Variants in OR51A7 observed in about 807,000 individuals in gnomAD.
OR51A7 encodes olfactory receptor family 51 subfamily A member 7.
For missense variants in OR51A7, 409 were observed against 374.5 expected (o/e 1.09, Z -0.76); for synonymous variants, 143 against 135.5 (o/e 1.05, Z -0.38).
Position 4,907,966 on chromosome 11 carries a change from C to A in OR51A7, c.597C>A (p.Gly199=), listed in dbSNP as rs1850927724. 6.2e-7 allele frequency: 1 copy of A among 1,613,974 alleles called. No homozygotes were observed. The highest frequency in any genetic ancestry group is 1.7e-5 in the Admixed American group (1 of 60,000). ...CSDNKTNVIY[G]FFIALCTMLD... ...ACAACAAGACCAATGTCATCTATGG[C>A]TTCTTCATTGCTCTCTGTACTATGC... The change falls in exon 2 of 2, where the codon GGC becomes GGA. Residue 199 remains glycine (G), a synonymous_variant. Transcript: ENST00000641490.
chr11:4,908,003 C>A lies in OR51A7; in HGVS notation c.634C>A (p.Leu212Met), dbSNP rs1850928362. 6.2e-7 allele frequency: 1 copy of A among 1,614,088 alleles called. No individual in the cohort carries two copies. The highest frequency in any genetic ancestry group is 8.5e-7 in the Non-Finnish European group (1 of 1,180,044). Reference protein sequence around the residue: ...IALCTMLDLALIVLSYVLILK... With the variant: ...IALCTMLDLAMIVLSYVLILK... Reference sequence around the variant, plus strand: ...TCTCTGTACTATGCTGGACTTGGCACTGATTGTTTTGTCTTATGTGCTGAT... The same window carrying A: ...TCTCTGTACTATGCTGGACTTGGCAATGATTGTTTTGTCTTATGTGCTGAT... The change falls in exon 2 of 2, where the codon CTG (leucine) becomes ATG (methionine). Residue 212 changes from leucine to methionine, a missense_variant. Physicochemically the swap from Leu to Met is conservative, Grantham distance 15. Transcript: ENST00000641490.
chr11:4,907,545 T>A lies in OR51A7; in HGVS notation c.176T>A (p.Met59Lys). The part of the protein sequence containing the change: ...IKTEPSLHEP[M>K]YYFLAMLAVS... ...ACAGAGCCCTCGCTTCATGAGCCCA[T>A]GTATTATTTCCTTGCCATGTTGGCT... The change falls in exon 2 of 2, where the codon ATG becomes AAG. Residue 59 changes from methionine (M) to lysine (K), a missense_variant. Met to Lys is a moderately conservative substitution (Grantham distance 95, BLOSUM62 -1). Coordinates refer to ENST00000641490, the MANE Select transcript of OR51A7 (RefSeq NM_001004749.2). 1 of 1,614,076 alleles carries A rather than the reference T, an allele frequency of 6.2e-7. No homozygotes were observed.
rs551970244 is a variant in OR51A7 at position 4,908,142 on chromosome 11, C to G, written c.773C>G (p.Ala258Gly). 6.2e-7 allele frequency: 1 copy of G among 1,614,196 alleles called. No homozygotes were observed. Among genetic ancestry groups the G allele is most frequent in the African/African-American group, 1.3e-5 (1 of 75,060 alleles). ...LTFYVPIITL[A>G]AMHHFAKHKS... is the part of the protein sequence containing the mutation. ...TTCTATGTGCCCATCATCACCCTGG[C>G]TGCCATGCATCACTTTGCCAAGCAC... The change falls in exon 2 of 2, where the codon GCT (alanine) becomes GGT (glycine). Residue 258 changes from alanine (A) to glycine (G), a missense_variant. Ala to Gly is a moderately conservative substitution (Grantham distance 60, BLOSUM62 0). Coordinates refer to ENST00000641490, the MANE Select transcript of OR51A7 (RefSeq NM_001004749.2).
Position 4,907,857 on chromosome 11 carries a change from T to C in OR51A7, c.488T>C (p.Leu163Ser), listed in dbSNP as rs374700851. The C allele has an allele frequency of 1.2e-6, 2 of 1,613,734 alleles. No individual in the cohort carries two copies. The highest frequency in any genetic ancestry group is 2.7e-5 in the African/African-American group (2 of 74,908). ...ILLVIPFPFTLRRLKYCQKNL... is the reference protein window; with the variant it reads ...ILLVIPFPFTSRRLKYCQKNL... ...TTAGTGATTCCATTTCCCTTCACCT[T>C]AAGGAGATTAAAATATTGTCAAAAG... Residue 163 changes from leucine to serine, a missense_variant, in exon 2 of 2, where the codon TTA becomes TCA. Leu to Ser is a moderately radical substitution (Grantham distance 145). Coordinates refer to ENST00000641490, the MANE Select transcript of OR51A7 (RefSeq NM_001004749.2).
Position 4,908,030 on chromosome 11 carries a change from T to C in OR51A7, c.661T>C (p.Leu221=), listed in dbSNP as rs148745045. 12 of 1,614,098 alleles carry C rather than the reference T, an allele frequency of 7.4e-6. No homozygotes were observed. In the African/African-American group the frequency reaches 1.6e-4, roughly 22 times the overall value. ...ALIVLSYVLI[L]KTILSIASLA... ...GATTGTTTTGTCTTATGTGCTGATC[T>C]TGAAGACTATACTCAGCATTGCATC... is the stretch of plus-strand genomic sequence containing the variant. The change falls in exon 2 of 2, where the codon TTG becomes CTG. Residue 221 remains leucine, a synonymous_variant. Transcript: ENST00000641490.
In OR51A7 at chr11:4,907,798, A is replaced by G. The variant is rs1158760779; in HGVS notation, c.429A>G (p.Lys143=). The change falls in exon 2 of 2, where the codon AAA becomes AAG. Residue 143 remains lysine, a synonymous_variant. Transcript: ENST00000641490. ...TCCTCACTAGCAACAGGGTTGCTAA[A>G]ATGGGACTTATTTTAGCCATTAGGA... is the stretch of plus-strand genomic sequence containing the variant. The part of the protein sequence containing the change: ...SSILTSNRVA[K]MGLILAIRSI... 6.2e-7 allele frequency: 1 copy of G among 1,613,996 alleles called. No individual in the cohort carries two copies. Among genetic ancestry groups the G allele is most frequent in the Admixed American group, 1.7e-5 (1 of 59,998 alleles).
intron 1 of OR51A7, among the ~76,000 whole-genome samples, chr11:4,905,203 C>T (rs911734387): frequency 3.3e-5 from 5 of 152,108 alleles, no homozygotes; most frequent in Non-Finnish European, 5.9e-5. Context: ...CTTTTAATGA[C>T]ATCTCACAAT....
At chr11:4,904,451 T>C (rs1248874611) in intron 1 of OR51A7, among the ~76,000 whole-genome samples, 3 of 152,156 alleles carry the variant, frequency 2.0e-5, no homozygotes, top group African/African-American at 7.2e-5. Flanking sequence ...CCTCTCTGTA[T>C]ATTCTACCTC....
In OR51A7 at chr11:4,907,735, C is replaced by G. The variant is rs1171828891; in HGVS notation, c.366C>G (p.Arg122=). Residue 122 remains arginine, a synonymous_variant, in exon 2 of 2, where the codon CGC becomes CGG. Coordinates refer to ENST00000641490, the MANE Select transcript of OR51A7 (RefSeq NM_001004749.2). ...TACTTCTAATTATGTCTTTGGACCG[C>G]TTTCTTGCCATTCACAATCCCTTAA... ...SSVLLIMSLD[R]FLAIHNPLRY... 1.9e-6 allele frequency: 3 copies of G among 1,613,900 alleles called. No individual in the cohort carries two copies. The Admixed American group carries it at 5.0e-5, about 27-fold the overall frequency.
At chr11:4,904,040 G>A (rs1850844241) in intron 1 of OR51A7, among the ~76,000 whole-genome samples, 196 bp downstream of exon 1, 1 of 151,948 alleles carries the variant, frequency 6.6e-6, no homozygotes, top group Non-Finnish European at 1.5e-5. Flanking sequence ...ATAAAAGCAA[G>A]CCTTATTGTC....
intron 1 of OR51A7, among the ~76,000 whole-genome samples, chr11:4,907,113 A>AAAAAAAAAAAG: frequency 6.7e-6 from 1 of 148,530 alleles, no homozygotes; most frequent in Non-Finnish European, 1.5e-5. Flanking sequence ...AAAAAAAAAA[A>AAAAAAAAAAAG]AATCCTAAAA....
rs1850929429 is a variant in OR51A7, at chr11:4,908,038, T to C, written c.669T>C (p.Thr223=). 2 of 1,614,186 alleles carry C rather than the reference T, an allele frequency of 1.2e-6. No individual in the cohort carries two copies. The highest frequency in any genetic ancestry group is 1.7e-6 in the Non-Finnish European group (2 of 1,179,998). ...TGTCTTATGTGCTGATCTTGAAGAC[T>C]ATACTCAGCATTGCATCTTTGGCAG... ...IVLSYVLILK[T]ILSIASLAER... The change falls in exon 2 of 2, where the codon ACT becomes ACC. Residue 223 remains threonine (T), a synonymous_variant. Coordinates refer to ENST00000641490, the MANE Select transcript of OR51A7 (RefSeq NM_001004749.2).
Position 4,907,309 on chromosome 11 carries a change from CATGACTGCTTTT to C in OR51A7, c.-31-29_-31-18del, listed in dbSNP as rs1850910764. ...CACAAAACTGAGTTTTAACCAAAAG[CATGACTGCTTTT>C]CATTTATATGGTTTCAGATCCGGCT... On this transcript the variant is annotated intron_variant, in intron 1 of 1. Transcript: ENST00000641490. 1 of 1,191,246 alleles carries C rather than the reference CATGACTGCTTTT, an allele frequency of 8.4e-7. No homozygotes were observed. The highest frequency in any genetic ancestry group is 2.4e-5 in the East Asian group (1 of 41,848). 73.8% of individuals were successfully genotyped at this position (1,191,246 alleles called of 1,614,324 possible).
In OR51A7 at chr11:4,907,837, G is replaced by T; in HGVS notation, c.468G>T (p.Val156=). 2.5e-6 allele frequency: 4 copies of T among 1,613,734 alleles called. No homozygotes were observed. The highest frequency in any genetic ancestry group is 3.4e-6 in the Non-Finnish European group (4 of 1,179,778). Residue 156 remains valine, a synonymous_variant, in exon 2 of 2, where the codon GTG becomes GTT. Coordinates refer to ENST00000641490, the MANE Select transcript of OR51A7 (RefSeq NM_001004749.2). ...TAGCCATTAGGAGCATTCTCTTAGT[G>T]ATTCCATTTCCCTTCACCTTAAGGA... ...LILAIRSILL[V]IPFPFTLRRL...
chr11:4,904,703 G>T (rs10500632), intron 1 of OR51A7, among the ~76,000 whole-genome samples: 2 of 151,884 alleles, frequency 1.3e-5, no homozygotes, highest in Non-Finnish European at 2.9e-5. Flanking sequence ...TGACTTTACC[G>T]CTTAAAATAT....
Position 4,907,560 on chromosome 11 carries a change from C to T in OR51A7, c.191C>T (p.Ala64Val), listed in dbSNP as rs781626934. 1.9e-6 allele frequency: 3 copies of T among 1,614,060 alleles called. No homozygotes were observed. Among genetic ancestry groups the T allele is most frequent in the South Asian group, 2.2e-5 (2 of 91,082 alleles). Residue 64 changes from alanine (A) to valine (V), a missense_variant, in exon 2 of 2, where the codon GCC becomes GTC. Ala to Val is a moderately conservative substitution (Grantham distance 64). Coordinates refer to ENST00000641490, the MANE Select transcript of OR51A7 (RefSeq NM_001004749.2). ...CATGAGCCCATGTATTATTTCCTTG[C>T]CATGTTGGCTGTCTCTGACATGGGC... ...SLHEPMYYFL[A>V]MLAVSDMGLS...
In OR51A7 at chr11:4,908,123, G is replaced by A. The variant is rs201232951; in HGVS notation, c.754G>A (p.Val252Met). ...CATCTGTGCTGTGCTCACCTTCTAT[G>A]TGCCCATCATCACCCTGGCTGCCAT... ...SHICAVLTFY[V>M]PIITLAAMHH... Residue 252 changes from valine to methionine, a missense_variant, in exon 2 of 2, where the codon GTG (valine) becomes ATG (methionine). Val to Met is a conservative substitution (Grantham distance 21). Transcript: ENST00000641490. 1 of 1,614,118 alleles carries A rather than the reference G, an allele frequency of 6.2e-7. No homozygotes were observed. The highest frequency in any genetic ancestry group is 2.2e-5 in the East Asian group (1 of 44,882).
At position 4,908,148 on chromosome 11, in the gene OR51A7, T is replaced by A. The variant is rs752293085; in HGVS notation, c.779T>A (p.Met260Lys). ...FYVPIITLAA[M>K]HHFAKHKSPL... ...GTGCCCATCATCACCCTGGCTGCCA[T>A]GCATCACTTTGCCAAGCACAAAAGC... Residue 260 changes from methionine to lysine, a missense_variant, in exon 2 of 2, where the codon ATG becomes AAG. Met to Lys is a moderately conservative substitution (Grantham distance 95). Coordinates refer to ENST00000641490, the MANE Select transcript of OR51A7 (RefSeq NM_001004749.2). The A allele has an allele frequency of 6.2e-7, 1 of 1,614,186 alleles. No individual in the cohort carries two copies.
At position 4,908,882 on chromosome 11, in the gene OR51A7, T is replaced by C. The variant is rs1850948535; in HGVS notation, c.*574T>C. 1 of 158,282 alleles carries C rather than the reference T, an allele frequency of 6.3e-6. No individual in the cohort carries two copies. Among genetic ancestry groups the C allele is most frequent in the Admixed American group, 6.1e-5 (1 of 16,466 alleles). 9.8% of individuals were successfully genotyped at this position (158,282 alleles called of 1,614,324 possible). Reference sequence around the variant, plus strand: ...TTTCATTTTAAGAAGAGCGTGCCTGTAAACATGGATTGAATTTGGGAGAGA... The same window carrying C: ...TTTCATTTTAAGAAGAGCGTGCCTGCAAACATGGATTGAATTTGGGAGAGA... On this transcript the variant is annotated 3_prime_UTR_variant, in exon 2 of 2. Coordinates refer to ENST00000641490, the MANE Select transcript of OR51A7 (RefSeq NM_001004749.2).
Sources: allele counts gnomAD v4.1 joint callset (sites outside exome capture counted in the v4.1 genomes callset), GRCh38; gene constraint gnomAD v4.1.1; transcripts MANE v1.5; gene names NCBI Gene and HGNC (gene_info 2026-07-23, HGNC 2026-07-21).